PTPRM: variants seen among roughly 807,000 people sequenced by gnomAD.
The protein encoded by PTPRM is protein tyrosine phosphatase receptor type M, also known as receptor-type tyrosine-protein phosphatase mu.
In PTPRM, 47 loss-of-function variants were observed where a neutral mutation model predicts 186.7. That is an observed-to-expected ratio of 0.25 (90% CI 0.20 to 0.32). The LOEUF (loss-of-function observed/expected upper bound fraction) is 0.32, where lower values mean the gene tolerates loss of function less well. Ranked by LOEUF, PTPRM falls within the 10% of genes least tolerant of loss-of-function variation. PTPRM has a pLI of 1.00. For synonymous variants in PTPRM, 668 were observed against 674.9 expected, an observed-to-expected ratio of 0.99 and a Z score of 0.16; for missense variants, 1,494 against 1,865.0, an observed-to-expected ratio of 0.80 and a Z score of 3.66.
chr18:7,983,081 A>G (rs1326452151), intron 7 of PTPRM, among the ~76,000 whole-genome samples: 1 of 151,898 alleles, frequency 6.6e-6, no homozygotes, highest in African/African-American at 2.4e-5. Flanking sequence ...CTGCTTGTCA[A>G]ACACATGTAC....
chr18:7,640,286 T>TCATTCATAATTA (rs1281626352), intron 1 of PTPRM, among the ~76,000 whole-genome samples: 2 of 152,170 alleles, frequency 1.3e-5, no homozygotes, highest in African/African-American at 4.8e-5. Context: ...ATGAATTAAT[T>TCATTCATAATTA]ATATATATGT....
intron 19 of PTPRM, among the ~76,000 whole-genome samples, chr18:8,283,473 A>C (rs1646953796): frequency 6.6e-6 from 1 of 152,196 alleles, no homozygotes; most frequent in Non-Finnish European, 1.5e-5. Flanking sequence ...TCATGAGCAT[A>C]ATTTACAACT....
intron 20 of PTPRM, among the ~76,000 whole-genome samples, chr18:8,298,529 C>A (rs901117080): frequency 6.6e-6 from 1 of 152,174 alleles, no homozygotes; most frequent in African/African-American, 2.4e-5. Context: ...TAGTTTAGTA[C>A]CTCCTCATGG....
At chr18:7,886,094 C>T (rs1254635398) in intron 2 of PTPRM, among the ~76,000 whole-genome samples, 1 of 152,144 alleles carries the variant, frequency 6.6e-6, no homozygotes, top group Non-Finnish European at 1.5e-5. Context: ...TCAGACGTGA[C>T]CTCAAGAACA....
At chr18:8,195,308 T>C (rs2093762283) in intron 14 of PTPRM, among the ~76,000 whole-genome samples, 9 of 152,142 alleles carry the variant, frequency 5.9e-5, no homozygotes, top group Admixed American at 5.9e-4. Flanking sequence ...GTGAACCCAG[T>C]GATGGCTGCC....
intron 22 of PTPRM, among the ~76,000 whole-genome samples, chr18:8,334,261 G>A (rs2095426774): frequency 6.6e-6 from 1 of 152,174 alleles, no homozygotes; most frequent in Non-Finnish European, 1.5e-5. Flanking sequence ...CTTTAGGGAT[G>A]GCAAGAGTCC....
intron 1 of PTPRM, among the ~76,000 whole-genome samples, chr18:7,638,619 A>T (rs11872270): frequency 0.036 from 5,504 of 152,314 alleles, 366 homozygotes; most frequent in African/African-American, 0.13. Flanking sequence ...TGAGGCAAAA[A>T]CATGAAGTAC....
At chr18:7,667,517 A>T (rs2039123219) in intron 1 of PTPRM, among the ~76,000 whole-genome samples, 1 of 152,268 alleles carries the variant, frequency 6.6e-6, no homozygotes, top group African/African-American at 2.4e-5. Context: ...TGAAGAAGCC[A>T]GAAAGCAATG....
At chr18:7,732,180 A>C (rs2040673142) in intron 1 of PTPRM, among the ~76,000 whole-genome samples, 1 of 152,224 alleles carries the variant, frequency 6.6e-6, no homozygotes, top group South Asian at 2.1e-4. Flanking sequence ...CTGTCTTCCT[A>C]ATGTGGCAAT....
chr18:8,067,365 C>CA lies in PTPRM; in HGVS notation c.1133-2319dup, dbSNP rs1357046429. ...TTACTAGTCTAGGGAAAAAAACCTT[C>CA]AATGTTATTTCTAAATAATTTATTT... On this transcript the variant is annotated intron_variant, in intron 7 of 32. Coordinates refer to ENST00000580170, the MANE Select transcript of PTPRM (RefSeq NM_001105244.2). 1.8e-3 allele frequency among the ~76,000 whole-genome samples: 277 copies of CA among 152,254 alleles called. 2 individuals are homozygous for CA. The highest frequency in any genetic ancestry group is 5.8e-3 in the African/African-American group (241 of 41,554).
At chr18:7,908,972 G>A (rs80211921) in intron 4 of PTPRM, among the ~76,000 whole-genome samples, 108 of 152,288 alleles carry the variant, frequency 7.1e-4, no homozygotes, top group African/African-American at 2.4e-3. Flanking sequence ...TAAGTGCTGA[G>A]CACTCTAATG....
At chr18:7,583,140 A>T (rs567913822) in intron 1 of PTPRM, among the ~76,000 whole-genome samples, 2 of 152,326 alleles carry the variant, frequency 1.3e-5, no homozygotes, top group African/African-American at 4.8e-5. Context: ...CCCAAAGGGT[A>T]TGGTTTTCCT....
intron 2 of PTPRM, among the ~76,000 whole-genome samples, chr18:7,819,139 G>A (rs1205092783): frequency 6.6e-6 from 1 of 152,204 alleles, no homozygotes; most frequent in Non-Finnish European, 1.5e-5. Context: ...AGAGGGGCAG[G>A]GGAGTCCTGG....
intron 7 of PTPRM, among the ~76,000 whole-genome samples, chr18:8,023,434 C>T (rs1383524366): frequency 6.6e-6 from 1 of 152,114 alleles, no homozygotes; most frequent in East Asian, 1.9e-4. Flanking sequence ...CCATATTGGT[C>T]ATCTTATGTG....
intron 14 of PTPRM, among the ~76,000 whole-genome samples, chr18:8,223,548 T>A (rs1194653851): frequency 1.3e-5 from 2 of 152,236 alleles, no homozygotes; most frequent in Non-Finnish European, 2.9e-5. Context: ...GCTCTCCTTG[T>A]GACAAAGTGA....
chr18:8,313,446 T>G (rs1199854735), intron 20 of PTPRM, among the ~76,000 whole-genome samples: 1 of 152,224 alleles, frequency 6.6e-6, no homozygotes, highest in African/African-American at 2.4e-5. Flanking sequence ...AATGCACTTT[T>G]TATTTCTTCA....
chr18:8,117,892 T>C (rs2145767098), intron 13 of PTPRM, among the ~76,000 whole-genome samples: 1 of 152,358 alleles, frequency 6.6e-6, no homozygotes, highest in East Asian at 1.9e-4. Flanking sequence ...ATTGTATTTT[T>C]CATTAACATT....
intron 1 of PTPRM, among the ~76,000 whole-genome samples, chr18:7,631,574 G>T (rs987474958): frequency 6.6e-6 from 1 of 151,814 alleles, no homozygotes. Flanking sequence ...TGTCCAGCCC[G>T]CGGCCCAGGA....
intron 14 of PTPRM, among the ~76,000 whole-genome samples, chr18:8,152,679 C>CTTT (rs1344840487): frequency 7.1e-6 from 1 of 141,828 alleles, no homozygotes; most frequent in Non-Finnish European, 1.5e-5. Flanking sequence ...CCCATATTTC[C>CTTT]TTTTTTCTTT....
Sources: allele counts gnomAD v4.1 joint callset (sites outside exome capture counted in the v4.1 genomes callset), GRCh38; gene constraint gnomAD v4.1.1; transcripts MANE v1.5; gene names NCBI Gene and HGNC (gene_info 2026-07-23, HGNC 2026-07-21).